Variants in CLDN16 observed in about 807,000 individuals in gnomAD.
The protein encoded by CLDN16 is claudin 16.
A neutral mutation model predicts 24.6 loss-of-function variants in CLDN16; 13 were observed. The ratio of observed to expected loss-of-function variants is 0.53; its 90% CI spans 0.34 to 0.84. CLDN16 has a LOEUF of 0.84. Ranked by LOEUF, CLDN16 falls within the 40% of genes least tolerant of loss-of-function variation. The probability of loss-of-function intolerance (pLI) is 0.01; values close to 1 mark genes in which losing one functional copy is unlikely to be tolerated. For missense variants in CLDN16, 298 were observed against 292.7 expected (o/e 1.02, Z -0.13); for synonymous variants, 116 against 106.7 (o/e 1.09, Z -0.54).
At chr3:190,314,156 T>A in the CLDN16 span, among the ~76,000 whole-genome samples, 53 of 152,192 alleles carry the variant, frequency 3.5e-4, 1 homozygote, top group Admixed American at 2.6e-3. Flanking sequence ...TATATCTTTA[T>A]CCAGTGGATT....
chr3:190,324,206 G>A (rs1417471038), intron 1 of CLDN16, among the ~76,000 whole-genome samples: 1 of 152,232 alleles, frequency 6.6e-6, no homozygotes, highest in Non-Finnish European at 1.5e-5. Flanking sequence ...GCTCAGGCCA[G>A]GCGCAGTGGC....
intron 1 of CLDN16, among the ~76,000 whole-genome samples, chr3:190,337,885 T>C (rs933406279): frequency 6.6e-6 from 1 of 152,184 alleles, no homozygotes; most frequent in Non-Finnish European, 1.5e-5. Flanking sequence ...ATGGCAAAGA[T>C]ATCCCCTGAT....
the CLDN16 span, among the ~76,000 whole-genome samples, chr3:190,295,099 C>T: frequency 6.6e-6 from 1 of 152,074 alleles, no homozygotes. Flanking sequence ...AAGACACGCT[C>T]ATATTCATAT....
In CLDN16 at chr3:190,333,732, C is replaced by T. The variant is rs554164766; in HGVS notation, n.121+11071C>T. 2.0e-5 allele frequency among the ~76,000 whole-genome samples: 3 copies of T among 152,206 alleles called. No homozygotes were observed. The South Asian group carries it at 6.2e-4, about 32-fold the overall frequency. ...AATGAAAAAGAAAAGTATGCTGTCCCTCCTTGAAATTCTATGATTTTTCAC... is the reference window on the plus strand; with the variant it reads ...AATGAAAAAGAAAAGTATGCTGTCCTTCCTTGAAATTCTATGATTTTTCAC... On this transcript the variant is annotated intron_variant and non_coding_transcript_variant, in intron 1 of 4. Coordinates refer to the CLDN16 transcript ENST00000468220.
intron 1 of CLDN16, among the ~76,000 whole-genome samples, chr3:190,333,031 A>G (rs1425756703): frequency 1.3e-5 from 2 of 152,158 alleles, no homozygotes; most frequent in African/African-American, 4.8e-5. Context: ...GGGAAAAAGG[A>G]GAATATTACT....
rs777745636 is a variant in CLDN16, at chr3:190,408,464, T to C, written c.533T>C (p.Leu178Ser). The change falls in exon 4 of 5, where the codon TTG becomes TCG. Residue 178 changes from leucine (L) to serine (S), a missense_variant. Physicochemically the swap from Leu to Ser is moderately radical, Grantham distance 145. Coordinates refer to ENST00000264734, the MANE Select transcript of CLDN16 (RefSeq NM_006580.4). ...LGMAGSLGCF[L>S]AGAVLTCCLY... The stretch of plus-strand genomic sequence containing the variant: ...ATGGCTGGGTCTCTGGGTTGCTTTT[T>C]GGCTGGAGCTGTTCTCACCTGCTGC... The C allele has an allele frequency of 1.9e-6, 3 of 1,614,184 alleles. No individual in the cohort carries two copies. The highest frequency in any genetic ancestry group is 2.5e-6 in the Non-Finnish European group (3 of 1,180,026).
At chr3:190,332,570 A>G (rs1003805723) in intron 1 of CLDN16, among the ~76,000 whole-genome samples, 3 of 152,218 alleles carry the variant, frequency 2.0e-5, no homozygotes, top group Non-Finnish European at 4.4e-5. Context: ...AGGTAGATAA[A>G]AGGAGAACAG....
At chr3:190,333,506 G>A (rs1179490505) in intron 1 of CLDN16, among the ~76,000 whole-genome samples, 1 of 150,862 alleles carries the variant, frequency 6.6e-6, no homozygotes, top group African/African-American at 2.4e-5. Flanking sequence ...TGAATACTAT[G>A]TAGCTAAAAC....
the CLDN16 span, among the ~76,000 whole-genome samples, chr3:190,294,041 A>G: frequency 6.6e-6 from 1 of 152,188 alleles, no homozygotes; most frequent in African/African-American, 2.4e-5. Context: ...TTTGGTTGAA[A>G]AGTCTTGACA....
intron 1 of CLDN16, among the ~76,000 whole-genome samples, chr3:190,337,795 G>T (rs78626295): frequency 0.07 from 10,713 of 152,204 alleles, 562 homozygotes; most frequent in African/African-American, 0.14. Flanking sequence ...CACAGAGAGA[G>T]ATATTGGATA....
At chr3:190,388,800 T>C (rs1718575718) in intron 1 of CLDN16, among the ~76,000 whole-genome samples, 1 of 152,204 alleles carries the variant, frequency 6.6e-6, no homozygotes, top group South Asian at 2.1e-4. Flanking sequence ...CACCCTTTTT[T>C]CTAAGATAAA....
chr3:190,314,811 C>A, the CLDN16 span, among the ~76,000 whole-genome samples: 1 of 152,134 alleles, frequency 6.6e-6, no homozygotes, highest in Non-Finnish European at 1.5e-5. Context: ...AAAAAAGAGA[C>A]TTCCTGATTC....
At chr3:190,297,221 A>G in the CLDN16 span, among the ~76,000 whole-genome samples, 1 of 151,814 alleles carries the variant, frequency 6.6e-6, no homozygotes, top group Non-Finnish European at 1.5e-5. Context: ...ATTTAGACTC[A>G]TTTTTCAGTT....
chr3:190,327,163 A>C (rs1717082338), intron 1 of CLDN16, among the ~76,000 whole-genome samples: 1 of 152,214 alleles, frequency 6.6e-6, no homozygotes, highest in Admixed American at 6.5e-5. Flanking sequence ...CAGCAGGCGG[A>C]AGACTTGAAT....
chr3:190,294,081 T>TC, the CLDN16 span, among the ~76,000 whole-genome samples: 1 of 152,214 alleles, frequency 6.6e-6, no homozygotes, highest in African/African-American at 2.4e-5. Context: ...CCAGAGGCTG[T>TC]CTATTGTCCT....
chr3:190,391,764 G>A lies in CLDN16; in HGVS notation c.114+3321G>A, dbSNP rs151160337. ...CTACCTATCTCAAATGAAGTTCTTC[G>A]TATTAGGTAAAAATGCTAGGAAAGA... On this transcript the variant is annotated intron_variant, in intron 1 of 4. Transcript: ENST00000264734. 3.0e-3 allele frequency among the ~76,000 whole-genome samples: 463 copies of A among 152,252 alleles called. 1 individual carries two copies. Among genetic ancestry groups the A allele is most frequent in the African/African-American group, 9.5e-3 (396 of 41,544 alleles).
intron 1 of CLDN16, among the ~76,000 whole-genome samples, chr3:190,365,928 G>A (rs1013240500): frequency 4.6e-5 from 7 of 151,908 alleles, no homozygotes; most frequent in African/African-American, 1.4e-4. Flanking sequence ...CAAGGCACAG[G>A]CCTCTACATA....
upstream of CLDN16, among the ~76,000 whole-genome samples, chr3:190,321,683 G>A (rs989852296): frequency 1.3e-5 from 2 of 152,134 alleles, no homozygotes; most frequent in Admixed American, 1.3e-4. Context: ...AAGAGCTCAA[G>A]TTCAAGTTTG....
At chr3:190,378,720 C>A (rs1242764834) in intron 3 of CLDN16, among the ~76,000 whole-genome samples, 1 of 151,978 alleles carries the variant, frequency 6.6e-6, no homozygotes, top group Non-Finnish European at 1.5e-5. Flanking sequence ...GCCTCACTCT[C>A]CTTGGGAGGA....
Sources: allele counts gnomAD v4.1 joint callset (sites outside exome capture counted in the v4.1 genomes callset), GRCh38; gene constraint gnomAD v4.1.1; transcripts MANE v1.5; gene names NCBI Gene and HGNC (gene_info 2026-07-23, HGNC 2026-07-21).